PARD3B: variants seen among roughly 807,000 people sequenced by gnomAD.
The protein encoded by PARD3B is par-3 family cell polarity regulator beta.
PARD3B carries 103 observed loss-of-function variants against 130.2 expected under a neutral mutation model. That is an observed-to-expected ratio of 0.79 (90% CI 0.67 to 0.93). The LOEUF (loss-of-function observed/expected upper bound fraction) is 0.93. Among genes scored for constraint, PARD3B ranks in the 40% least tolerant of loss-of-function variants. The pLI, the probability that PARD3B is intolerant of heterozygous loss-of-function variation, is 0.00. For missense variants in PARD3B, 1,609 were observed against 1,499.2 expected (o/e 1.07, Z -1.21); for synonymous variants, 583 against 553.2 (o/e 1.05, Z -0.76).
rs192931290 is a variant in PARD3B at position 205,082,120 on chromosome 2, T to C, written c.505-22306T>C. Among the ~76,000 whole-genome samples the C allele has an allele frequency of 5.0e-3, 759 of 152,312 alleles. 6 individuals are homozygous for C. Among genetic ancestry groups the C allele is most frequent in the African/African-American group, 0.017 (718 of 41,582 alleles). ...GTAATTGGGTCATTCAAGAAATATG[T>C]CAATTTCATATAAATTGTCATATAT... On this transcript the variant is annotated intron_variant, in intron 4 of 22. Coordinates refer to ENST00000406610, the MANE Select transcript of PARD3B (RefSeq NM_001302769.2).
intron 18 of PARD3B, among the ~76,000 whole-genome samples, chr2:205,363,060 C>G (rs2044455609): frequency 6.6e-6 from 1 of 152,036 alleles, no homozygotes; most frequent in Non-Finnish European, 1.5e-5. Context: ...CTTCAGGTTC[C>G]CACAGGCCCC....
intron 3 of PARD3B, among the ~76,000 whole-genome samples, chr2:205,042,656 T>A (rs1698474476): frequency 6.6e-6 from 1 of 152,062 alleles, no homozygotes; most frequent in Admixed American, 6.6e-5. Flanking sequence ...TATGTTTTCA[T>A]TGGTGTGTGT....
At chr2:204,911,269 C>A (rs2125724925) in intron 2 of PARD3B, among the ~76,000 whole-genome samples, 1 of 152,244 alleles carries the variant, frequency 6.6e-6, no homozygotes, top group East Asian at 1.9e-4. Flanking sequence ...GCAGGTGATT[C>A]CAGATTAAGA....
At chr2:205,350,693 T>A (rs1304456021) in intron 18 of PARD3B, among the ~76,000 whole-genome samples, 1 of 152,194 alleles carries the variant, frequency 6.6e-6, no homozygotes, top group East Asian at 1.9e-4. Flanking sequence ...CTTCACTAAA[T>A]CATTTCTACT....
At chr2:204,731,384 G>T (rs1212359933) in intron 2 of PARD3B, among the ~76,000 whole-genome samples, 1 of 152,168 alleles carries the variant, frequency 6.6e-6, no homozygotes, top group South Asian at 2.1e-4. Context: ...ACCACTGCCT[G>T]TGATTAAAAT....
At chr2:205,079,288 T>A (rs1371730425) in intron 4 of PARD3B, among the ~76,000 whole-genome samples, 3 of 152,204 alleles carry the variant, frequency 2.0e-5, no homozygotes, top group African/African-American at 7.2e-5. Flanking sequence ...TTAGTCTGTT[T>A]GTGCTGCTAT....
At chr2:205,231,812 C>T (rs11888554) in intron 15 of PARD3B, among the ~76,000 whole-genome samples, 28 of 152,002 alleles carry the variant, frequency 1.8e-4, no homozygotes, top group South Asian at 6.2e-4. Context: ...ATCTGCATAG[C>T]GTGAACTCCA....
chr2:204,659,453 C>CTGAATGAA (rs1218344878), intron 1 of PARD3B, among the ~76,000 whole-genome samples: 1 of 152,050 alleles, frequency 6.6e-6, no homozygotes, highest in Non-Finnish European at 1.5e-5. Flanking sequence ...ATGAGGTGGG[C>CTGAATGAA]TGAATGAAGG....
Position 205,237,292 on chromosome 2 carries a change from G to A in PARD3B, c.2141-8486G>A, listed in dbSNP as rs182996051. Reference sequence around the variant, plus strand: ...TTTTTTTATATTTTCAGTAGAGACGGGGTTTCACCATGTTGACCAGGCTAG... The same window carrying A: ...TTTTTTTATATTTTCAGTAGAGACGAGGTTTCACCATGTTGACCAGGCTAG... On this transcript the variant is annotated intron_variant, in intron 15 of 22. Transcript: ENST00000406610. Among the ~76,000 whole-genome samples, 978 of 152,150 alleles carry A rather than the reference G, an allele frequency of 6.4e-3. 13 individuals carry two copies. The highest frequency in any genetic ancestry group is 0.022 in the African/African-American group (922 of 41,494).
chr2:205,226,090 A>G lies in PARD3B; in HGVS notation c.2141-19688A>G, dbSNP rs188681126. On this transcript the variant is annotated intron_variant, in intron 15 of 22. Coordinates refer to ENST00000406610, the MANE Select transcript of PARD3B (RefSeq NM_001302769.2). ...AGAGTCTCGTTGTGTCACCCAGGCC[A>G]GAGTGCAGTGGCACAATCTCTGCTC... Among the ~76,000 whole-genome samples the G allele has an allele frequency of 1.9e-3, 284 of 152,290 alleles. 2 individuals carry two copies. The highest frequency in any genetic ancestry group is 4.8e-3 in the Admixed American group (73 of 15,292).
chr2:205,027,667 T>G (rs978050096), intron 3 of PARD3B, among the ~76,000 whole-genome samples: 2 of 152,134 alleles, frequency 1.3e-5, no homozygotes, highest in Non-Finnish European at 2.9e-5. Context: ...TTTTTCACTG[T>G]GCTTTTTCCT....
chr2:205,575,452 T>A lies in PARD3B; in HGVS notation c.3260+22049T>A, dbSNP rs1196066692. ...CATTCTGTGGGTTTGGACAAGTGTA[T>A]AATGACATGTATGTATCATTATAGT... On this transcript the variant is annotated intron_variant, in intron 22 of 22. Coordinates refer to ENST00000406610, the MANE Select transcript of PARD3B (RefSeq NM_001302769.2). The surrounding 1 kb of genome is among the most constrained non-coding windows in gnomAD (Gnocchi z 4.6). Among the ~76,000 whole-genome samples the A allele has an allele frequency of 6.6e-6, 1 of 152,094 alleles. No homozygotes were observed. Among genetic ancestry groups the A allele is most frequent in the Non-Finnish European group, 1.5e-5 (1 of 68,034 alleles).
intron 21 of PARD3B, among the ~76,000 whole-genome samples, chr2:205,535,769 A>T (rs1445861309): frequency 6.6e-6 from 1 of 152,182 alleles, no homozygotes; most frequent in Non-Finnish European, 1.5e-5. Context: ...GCAATTCCTC[A>T]GGCAATAGCC....
At chr2:205,086,584 TG>T (rs1409202243) in intron 4 of PARD3B, among the ~76,000 whole-genome samples, 13 of 152,202 alleles carry the variant, frequency 8.5e-5, no homozygotes, top group African/African-American at 2.4e-4. Context: ...TAGATATTTT[TG>T]TTATGGTTTT....
intron 2 of PARD3B, among the ~76,000 whole-genome samples, chr2:204,695,057 T>A (rs1340859815): frequency 6.6e-6 from 1 of 152,014 alleles, no homozygotes; most frequent in Non-Finnish European, 1.5e-5. Context: ...CCCAATAAAA[T>A]TTGAGATCAC....
intron 16 of PARD3B, among the ~76,000 whole-genome samples, chr2:205,261,791 T>C (rs181379970): frequency 2.6e-5 from 4 of 152,264 alleles, no homozygotes; most frequent in African/African-American, 9.6e-5. Flanking sequence ...TGCCCTATCA[T>C]AAAGTGGGGA....
intron 15 of PARD3B, among the ~76,000 whole-genome samples, chr2:205,232,612 GCAGA>G (rs760166166): frequency 5.9e-5 from 9 of 152,236 alleles, no homozygotes; most frequent in Admixed American, 2.0e-4. Context: ...GTTAGAATTA[GCAGA>G]CAAAGACATT....
At chr2:204,618,049 C>T (rs961254940) in intron 1 of PARD3B, among the ~76,000 whole-genome samples, 1 of 152,138 alleles carries the variant, frequency 6.6e-6, no homozygotes, top group African/African-American at 2.4e-5. Context: ...CTATTTCCAA[C>T]ATTTTTAACC....
chr2:204,548,765 G>A (rs548196521), intron 1 of PARD3B, among the ~76,000 whole-genome samples: 13 of 152,034 alleles, frequency 8.6e-5, no homozygotes, highest in Non-Finnish European at 1.5e-4. Context: ...AGTTTCTGAG[G>A]CAAATATTGT....
Sources: gnomAD v4.1 joint callset for allele counts (sites outside exome capture counted in the v4.1 genomes callset) on GRCh38, gnomAD v4.1.1 for gene constraint, Gnocchi (gnomAD v3.1) non-coding constraint, MANE v1.5 for transcripts, NCBI Gene and HGNC (gene_info 2026-07-23, HGNC 2026-07-21) for gene names.